The following CLEC3A variants were observed in gnomAD, a reference collection of about 807,000 sequenced individuals.
CLEC3A encodes C-type (calcium dependent, carbohydrate-recognition domain) lectin, superfamily member 1 (cartilage-derived).
In CLEC3A, 28 loss-of-function variants were observed where a neutral mutation model predicts 20.4. That is an observed-to-expected ratio of 1.37 (90% CI 1.02 to 1.88). The LOEUF (loss-of-function observed/expected upper bound fraction) is 1.88. CLEC3A is among the 40% of genes most tolerant of loss of function. The pLI, the probability that CLEC3A is intolerant of heterozygous loss-of-function variation, is 0.00. For synonymous variants in CLEC3A, 110 were observed against 88.1 expected (o/e 1.25, Z -1.39); for missense variants, 357 against 240.4 (o/e 1.48, Z -3.21).
intron 1 of CLEC3A, among the ~76,000 whole-genome samples, chr16:78,027,034 G>T (rs1023435642): frequency 7.9e-5 from 12 of 152,168 alleles, no homozygotes; most frequent in Non-Finnish European, 1.8e-4. Context: ...CATTGGACTT[G>T]TCCTCATTCT....
rs2030079695 is a variant in CLEC3A at position 78,030,835 on chromosome 16, T to G, written c.588T>G (p.Pro196=). ...GATACATATGCGAGTTCACCATCCC[T>G]CAATAGGTCTTTCTCCAATGTGTCC... ...SKRYICEFTI[P]Q is the part of the protein sequence containing the mutation. Residue 196 remains proline (P), a synonymous_variant, in exon 3 of 3, where the codon CCT becomes CCG. Transcript: ENST00000299642. 6.2e-7 allele frequency: 1 copy of G among 1,608,916 alleles called. No individual in the cohort carries two copies. Among genetic ancestry groups the G allele is most frequent in the Non-Finnish European group, 8.5e-7 (1 of 1,177,066 alleles).
Position 78,027,005 on chromosome 16 carries a change from G to A in CLEC3A, c.116-1102G>A, listed in dbSNP as rs1025556422. On this transcript the variant is annotated intron_variant, in intron 1 of 2. Transcript: ENST00000299642. The stretch of plus-strand genomic sequence containing the variant: ...TCAGTCAGAGTATGAATTCTGCCAT[G>A]TATCTTTTGAGACACTCTCATTGGA... Among the ~76,000 whole-genome samples the A allele has an allele frequency of 6.6e-5, 10 of 152,182 alleles. No homozygotes were observed. The East Asian group carries it at 1.9e-3, about 29-fold the overall frequency.
In CLEC3A at chr16:78,031,072, T is replaced by C. The variant is rs1461286194; in HGVS notation, c.*231T>C. ...TTGATCCATGTGCACGCAGATAAAA[T>C]GGCTTCTGCTAAACAGACTAAAATC... On this transcript the variant is annotated 3_prime_UTR_variant, in exon 3 of 3. Coordinates refer to ENST00000299642, the MANE Select transcript of CLEC3A (RefSeq NM_005752.6). The C allele has an allele frequency of 2.2e-5, 11 of 489,080 alleles. No homozygotes were observed. The Admixed American group carries it at 3.8e-4, about 17-fold the overall frequency. 30.3% of individuals were successfully genotyped at this position (489,080 alleles called of 1,614,324 possible).
intron 1 of CLEC3A, among the ~76,000 whole-genome samples, chr16:78,024,401 C>T (rs1306778727): frequency 6.6e-6 from 1 of 152,088 alleles, no homozygotes; most frequent in African/African-American, 2.4e-5. Context: ...CCTCCCCTTC[C>T]TCCTCCCACT....
intron 2 of CLEC3A, among the ~76,000 whole-genome samples, chr16:78,029,941 C>T (rs1266482121): frequency 6.6e-6 from 1 of 151,942 alleles, no homozygotes; most frequent in East Asian, 2.0e-4. Flanking sequence ...ATCATGAGGT[C>T]AGGAGATCGA....
At chr16:78,028,524 T>C (rs1597153013) in intron 2 of CLEC3A, among the ~76,000 whole-genome samples, 1 of 152,238 alleles carries the variant, frequency 6.6e-6, no homozygotes, top group African/African-American at 2.4e-5. Context: ...GCTAAGTGCC[T>C]ATCAGGCCAC....
chr16:78,028,186 G>C lies in CLEC3A; in HGVS notation c.195G>C (p.Gln65His). The C allele has an allele frequency of 6.2e-7, 1 of 1,607,018 alleles. No individual in the cohort carries two copies. The highest frequency in any genetic ancestry group is 8.5e-7 in the Non-Finnish European group (1 of 1,178,068). The change falls in exon 2 of 3, where the codon CAG becomes CAC. Residue 65 changes from glutamine (Q) to histidine (H), a missense_variant. Physicochemically the swap from Gln to His is conservative, Grantham distance 24 (BLOSUM62 0). Coordinates refer to ENST00000299642, the MANE Select transcript of CLEC3A (RefSeq NM_005752.6). The stretch of plus-strand genomic sequence containing the variant: ...CCTTGAAGGAAATTCAAGCCCTGCA[G>C]ACAGGTAAGGTGCAGACCTTCTCAG... ...VNALKEIQAL[Q>H]TVCLRGTKVH...
intron 1 of CLEC3A, 138 bp from the exon 2 acceptor site, chr16:78,027,969 C>G (rs192245025): frequency 4.3e-6 from 3 of 693,086 alleles, no homozygotes; most frequent in Non-Finnish European, 7.5e-6. Context: ...GTTATTTTCA[C>G]GCATTATTTT....
chr16:78,024,520 A>C (rs971623225), intron 1 of CLEC3A, among the ~76,000 whole-genome samples: 1 of 152,010 alleles, frequency 6.6e-6, no homozygotes, highest in Non-Finnish European at 1.5e-5. Flanking sequence ...ACAAAACAAA[A>C]CAAAACTGAC....
Position 78,028,256 on chromosome 16 carries a change from G to C in CLEC3A, c.199+66G>C, listed in dbSNP as rs563636451. Reference sequence around the variant, plus strand: ...CAGGAAAATTTCTGGGTCAATTTCTGGGGGACGTCTTTTTAAAAGAAACAT... The same window carrying C: ...CAGGAAAATTTCTGGGTCAATTTCTCGGGGACGTCTTTTTAAAAGAAACAT... On this transcript the variant is annotated intron_variant, in intron 2 of 2. Transcript: ENST00000299642. 1.2e-3 allele frequency: 1,402 copies of C among 1,194,190 alleles called. 7 individuals are homozygous for C. Among genetic ancestry groups the C allele is most frequent in the Non-Finnish European group, 1.4e-3 (1,218 of 852,846 alleles). The allele number at this position is 1,194,190 out of a possible 1,614,324, so 74.0% of individuals were successfully genotyped here.
chr16:78,031,055 T>C lies in CLEC3A; in HGVS notation c.*214T>C, dbSNP rs1177822425. The stretch of plus-strand genomic sequence containing the variant: ...ATAGGGGATCAGAAATATTGATCCA[T>C]GTGCACGCAGATAAAATGGCTTCTG... On this transcript the variant is annotated 3_prime_UTR_variant, in exon 3 of 3. Coordinates refer to ENST00000299642, the MANE Select transcript of CLEC3A (RefSeq NM_005752.6). 1.9e-6 allele frequency: 1 copy of C among 527,544 alleles called. No homozygotes were observed. 32.7% of individuals were successfully genotyped at this position (527,544 alleles called of 1,614,324 possible). A position where few individuals can be genotyped will look rare whatever the true frequency, so the allele number is the denominator to read the frequency against.
In CLEC3A at chr16:78,028,147, G is replaced by C. The variant is rs140823258; in HGVS notation, c.156G>C (p.Trp52Cys). 4.8e-4 allele frequency: 766 copies of C among 1,611,626 alleles called. 1 individual carries two copies. Among genetic ancestry groups the C allele is most frequent in the Non-Finnish European group, 6.1e-4 (724 of 1,179,490 alleles). The change falls in exon 2 of 3, where the codon TGG becomes TGC. Residue 52 changes from tryptophan (W) to cysteine (C), a missense_variant. Trp to Cys is a radical substitution (Grantham distance 215). Coordinates refer to ENST00000299642, the MANE Select transcript of CLEC3A (RefSeq NM_005752.6). ...TGAAGACTCAAATTGAAAAGCTCTG[G>C]ACAGAAGTCAATGCCTTGAAGGAAA... is the stretch of plus-strand genomic sequence containing the variant. ...GDLKTQIEKL[W>C]TEVNALKEIQ...
chr16:78,023,629 G>A (rs1051678368), intron 1 of CLEC3A, among the ~76,000 whole-genome samples: 1 of 152,008 alleles, frequency 6.6e-6, no homozygotes, highest in Admixed American at 6.6e-5. Flanking sequence ...ACAAATTTCA[G>A]CAAGGTTACA....
At chr16:78,023,466 G>A (rs768474859) in intron 1 of CLEC3A, among the ~76,000 whole-genome samples, 7 of 152,088 alleles carry the variant, frequency 4.6e-5, no homozygotes, top group East Asian at 3.9e-4. Flanking sequence ...TGATGATAGC[G>A]AGGTGTTTGC....
chr16:78,023,948 G>A (rs542972093), intron 1 of CLEC3A, among the ~76,000 whole-genome samples: 1 of 152,018 alleles, frequency 6.6e-6, no homozygotes, highest in African/African-American at 2.4e-5. Context: ...TAGTAGAGAC[G>A]AGGTTTCGCC....
chr16:78,030,783 G>T lies in CLEC3A; in HGVS notation c.536G>T (p.Ser179Ile). 1 of 1,614,162 alleles carries T rather than the reference G, an allele frequency of 6.2e-7. No homozygotes were observed. Among genetic ancestry groups the T allele is most frequent in the Non-Finnish European group, 8.5e-7 (1 of 1,180,008 alleles). Residue 179 changes from serine (S) to isoleucine (I), a missense_variant, in exon 3 of 3, where the codon AGT becomes ATT. Transcript: ENST00000299642. ...TCCCAATCAGCTCAGGGCAAGTGGAGTGATGAGGCCTGTCGCAGCAGCAAG... is the reference window on the plus strand; with the variant it reads ...TCCCAATCAGCTCAGGGCAAGTGGATTGATGAGGCCTGTCGCAGCAGCAAG... ...LFSQSAQGKWSDEACRSSKRY... is the reference protein window; with the variant it reads ...LFSQSAQGKWIDEACRSSKRY...
chr16:78,030,339 C>A (rs2030055078), intron 2 of CLEC3A, 108 bp from the exon 3 acceptor site: 2 of 996,308 alleles, frequency 2.0e-6, no homozygotes, highest in Non-Finnish European at 3.0e-6. Context: ...GTTGTCTCAT[C>A]ATTATCATAC....
intron 1 of CLEC3A, 121 bp downstream of exon 1, chr16:78,022,862 C>T (rs1309998859): frequency 3.2e-6 from 3 of 935,862 alleles, no homozygotes; most frequent in Middle Eastern, 2.2e-4. Context: ...ATGCCATCAT[C>T]CCTATATGGC....
chr16:78,031,609 C>A lies in CLEC3A; in HGVS notation c.*768C>A, dbSNP rs2293779. ...AAGCAGATTGCATGATAAACGGAAACAGAAAAAAAGAACCTACATTTATTT... is the reference window on the plus strand; with the variant it reads ...AAGCAGATTGCATGATAAACGGAAAAAGAAAAAAAGAACCTACATTTATTT... On this transcript the variant is annotated 3_prime_UTR_variant, in exon 3 of 3. Transcript: ENST00000299642. The A allele has an allele frequency of 6.6e-6, 1 of 152,046 alleles. No homozygotes were observed. Among genetic ancestry groups the A allele is most frequent in the Non-Finnish European group, 1.5e-5 (1 of 68,022 alleles). The allele number at this position is 152,046 out of a possible 1,614,324, so 9.4% of individuals were successfully genotyped here.
Sources: gnomAD v4.1 joint callset for allele counts (sites outside exome capture counted in the v4.1 genomes callset) on GRCh38, gnomAD v4.1.1 for gene constraint, MANE v1.5 for transcripts, NCBI Gene and HGNC (gene_info 2026-07-23, HGNC 2026-07-21) for gene names.